Variants in GRID1 observed in about 807,000 individuals in gnomAD.
The protein encoded by GRID1 is glutamate ionotropic receptor delta type subunit 1, also known as glutamate receptor ionotropic, delta-1.
In GRID1, 28 loss-of-function variants were observed where a neutral mutation model predicts 98.0. The ratio of observed to expected loss-of-function variants is 0.29; its 90% CI spans 0.21 to 0.39. The LOEUF is 0.39. GRID1 is among the 10% of genes least tolerant of loss of function. The pLI, the probability that GRID1 is intolerant of heterozygous loss-of-function variation, is 1.00. For missense variants in GRID1, 1,111 were observed against 1,340.5 expected (o/e 0.83, Z 2.67); for synonymous variants, 553 against 538.5 (o/e 1.03, Z -0.37).
chr10:85,834,129 T>A (rs905861859), intron 8 of GRID1, among the ~76,000 whole-genome samples: 3 of 152,172 alleles, frequency 2.0e-5, no homozygotes, highest in Non-Finnish European at 4.4e-5. Context: ...AACCTGGAAA[T>A]TCAAGAAGAA....
intron 5 of GRID1, among the ~76,000 whole-genome samples, chr10:85,894,801 A>G (rs1219603976): frequency 6.6e-6 from 1 of 151,834 alleles, no homozygotes; most frequent in Non-Finnish European, 1.5e-5. Flanking sequence ...TGAGGTCAAG[A>G]GTTCAAGACC....
At chr10:85,929,188 G>A (rs1338963409) in intron 4 of GRID1, among the ~76,000 whole-genome samples, 1 of 152,106 alleles carries the variant, frequency 6.6e-6, no homozygotes, top group Non-Finnish European at 1.5e-5. Context: ...CCCCATATCA[G>A]AGAGTCTTTG....
intron 8 of GRID1, among the ~76,000 whole-genome samples, chr10:85,756,831 G>T (rs1045048149): frequency 1.3e-5 from 2 of 152,126 alleles, no homozygotes; most frequent in Non-Finnish European, 2.9e-5. Context: ...AGTTTTATAG[G>T]TTATGCCAGG....
Position 86,174,738 on chromosome 10 carries a change from C to A in GRID1, c.520+31626G>T, listed in dbSNP as rs541630376. The stretch of plus-strand genomic sequence containing the variant: ...AATGGGAGAAAATTTTCGCAACCTA[C>A]TCATCTGACAAAGGGCTAATATCCA... On this transcript the variant is annotated intron_variant, in intron 3 of 15. Coordinates refer to ENST00000327946, the MANE Select transcript of GRID1 (RefSeq NM_017551.3). Among the ~76,000 whole-genome samples, 3 of 149,540 alleles carry A rather than the reference C, an allele frequency of 2.0e-5. No individual in the cohort carries two copies. In the East Asian group the frequency reaches 5.8e-4, roughly 29 times the overall value.
chr10:86,363,570 A>G (rs1246978626), intron 2 of GRID1, among the ~76,000 whole-genome samples: 1 of 151,988 alleles, frequency 6.6e-6, no homozygotes, highest in Non-Finnish European at 1.5e-5. Context: ...TGCGCCCGAT[A>G]CAGGTACCCG....
intron 4 of GRID1, among the ~76,000 whole-genome samples, chr10:85,939,299 A>G (rs1841967427): frequency 6.6e-6 from 1 of 152,248 alleles, no homozygotes. Context: ...TAGACAGGAT[A>G]CAACCTGTAT....
At chr10:86,302,119 C>T (rs1033139210) in intron 2 of GRID1, among the ~76,000 whole-genome samples, 2 of 152,232 alleles carry the variant, frequency 1.3e-5, no homozygotes, top group Non-Finnish European at 2.9e-5. Flanking sequence ...CTTAGCTTCC[C>T]TCCTCACCCT....
intron 8 of GRID1, among the ~76,000 whole-genome samples, chr10:85,730,902 G>A (rs751534539): frequency 6.6e-6 from 1 of 152,194 alleles, no homozygotes; most frequent in Non-Finnish European, 1.5e-5. Context: ...TTAAATAGCA[G>A]GGGGCTAAAG....
Position 85,900,947 on chromosome 10 carries a change from T to C in GRID1, c.780+15239A>G, listed in dbSNP as rs529743979. Among the ~76,000 whole-genome samples the C allele has an allele frequency of 3.3e-5, 5 of 152,278 alleles. 2 individuals are homozygous for C. Among genetic ancestry groups the C allele is most frequent in the African/African-American group, 1.2e-4 (5 of 41,548 alleles). On this transcript the variant is annotated intron_variant, in intron 5 of 15. Coordinates refer to ENST00000327946, the MANE Select transcript of GRID1 (RefSeq NM_017551.3). ...GCAGTGTGGAAAGAAGGAAAGACCATGGAAGACATTAATAAGTATTGCAAA... is the reference window on the plus strand; with the variant it reads ...GCAGTGTGGAAAGAAGGAAAGACCACGGAAGACATTAATAAGTATTGCAAA...
chr10:86,120,284 C>T (rs1404217426), intron 4 of GRID1, among the ~76,000 whole-genome samples: 4 of 152,176 alleles, frequency 2.6e-5, no homozygotes, highest in Non-Finnish European at 4.4e-5. Flanking sequence ...CCCTTGCTGC[C>T]CCACTGTTTT....
intron 2 of GRID1, among the ~76,000 whole-genome samples, chr10:86,292,720 GGTGC>G (rs960767205): frequency 1.3e-5 from 2 of 151,622 alleles, no homozygotes; most frequent in Non-Finnish European, 2.9e-5. Context: ...TGGGTGGGTG[GGTGC>G]GAGTGTGCGC....
chr10:85,717,685 C>T (rs545683658), intron 12 of GRID1, among the ~76,000 whole-genome samples: 20 of 152,308 alleles, frequency 1.3e-4, no homozygotes, highest in Non-Finnish European at 2.9e-4. Context: ...TCCCAACAAT[C>T]CTCCAAAGTC....
Position 86,253,810 on chromosome 10 carries a change from C to T in GRID1, c.236-47162G>A, listed in dbSNP as rs549763581. The stretch of plus-strand genomic sequence containing the variant: ...CTCCACCTGTAACCACCTTCCCTCA[C>T]GATCCATGACACAGCAACAACTCCC... On this transcript the variant is annotated intron_variant, in intron 2 of 15. Coordinates refer to ENST00000327946, the MANE Select transcript of GRID1 (RefSeq NM_017551.3). Among the ~76,000 whole-genome samples, 15 of 152,286 alleles carry T rather than the reference C, an allele frequency of 9.8e-5. No individual in the cohort carries two copies. In the East Asian group the frequency reaches 2.3e-3, roughly 24 times the overall value.
intron 8 of GRID1, among the ~76,000 whole-genome samples, chr10:85,845,182 C>T (rs1330801722): frequency 4.0e-5 from 6 of 151,630 alleles, no homozygotes; most frequent in African/African-American, 7.3e-5. Flanking sequence ...ATTGTGTATA[C>T]AGAAAATCTA....
chr10:85,814,620 C>G (rs1842700495), intron 8 of GRID1, among the ~76,000 whole-genome samples: 1 of 151,808 alleles, frequency 6.6e-6, no homozygotes, highest in Non-Finnish European at 1.5e-5. Flanking sequence ...TTACTACATA[C>G]TTTTAAATGA....
At chr10:86,306,762 T>C (rs1204720707) in intron 2 of GRID1, among the ~76,000 whole-genome samples, 1 of 152,220 alleles carries the variant, frequency 6.6e-6, no homozygotes, top group East Asian at 1.9e-4. Flanking sequence ...CATGTTGACA[T>C]TAAAGAGTCC....
At chr10:86,250,534 A>T (rs1246293728) in intron 2 of GRID1, among the ~76,000 whole-genome samples, 1 of 152,172 alleles carries the variant, frequency 6.6e-6, no homozygotes, top group African/African-American at 2.4e-5. Context: ...TAATCTAAGG[A>T]ATGCTTAAAA....
intron 2 of GRID1, among the ~76,000 whole-genome samples, chr10:86,256,574 C>T (rs904708179): frequency 2.6e-5 from 4 of 152,234 alleles, no homozygotes; most frequent in Non-Finnish European, 5.9e-5. Flanking sequence ...CTCTCTCTCT[C>T]TCCATCCCAA....
intron 5 of GRID1, among the ~76,000 whole-genome samples, chr10:85,873,762 C>G (rs1241327840): frequency 6.6e-6 from 1 of 152,194 alleles, no homozygotes; most frequent in Non-Finnish European, 1.5e-5. Flanking sequence ...CGCTGTTTCT[C>G]AAACTTCGTT....
Sources: gnomAD v4.1 joint callset for allele counts (sites outside exome capture counted in the v4.1 genomes callset) on GRCh38, gnomAD v4.1.1 for gene constraint, MANE v1.5 for transcripts, NCBI Gene and HGNC (gene_info 2026-07-23, HGNC 2026-07-21) for gene names.